The following FHOD3 variants were observed in gnomAD, a reference collection of about 807,000 sequenced individuals.
FHOD3 encodes formin homology 2 domain containing 3.
In FHOD3, 90 loss-of-function variants were observed where a neutral mutation model predicts 173.0. The observed-to-expected ratio is 0.52, with a 90% confidence interval of 0.44 to 0.62. The LOEUF is 0.62. Ranked by LOEUF, FHOD3 falls within the 20% of genes least tolerant of loss-of-function variation. The pLI is 0.00. For synonymous variants in FHOD3, 828 were observed against 823.0 expected (o/e 1.01, Z -0.10); for missense variants, 1,945 against 2,034.7 (o/e 0.96, Z 0.85).
intron 1 of FHOD3, among the ~76,000 whole-genome samples, chr18:36,300,033 A>C (rs2091918038): frequency 6.6e-6 from 1 of 152,190 alleles, no homozygotes; most frequent in Admixed American, 6.5e-5. Flanking sequence ...CCTTGATAGA[A>C]ACAGCTGGAG....
intron 5 of FHOD3, among the ~76,000 whole-genome samples, chr18:36,575,449 G>GTATAAA (rs2058613720): frequency 6.6e-6 from 1 of 152,072 alleles, no homozygotes; most frequent in African/African-American, 2.4e-5. Context: ...TGTTTGTAAT[G>GTATAAA]CATAAAAAAA....
At chr18:36,579,166 C>G (rs1037306457) in intron 6 of FHOD3, among the ~76,000 whole-genome samples, 2 of 152,114 alleles carry the variant, frequency 1.3e-5, no homozygotes, top group East Asian at 1.9e-4. Flanking sequence ...TCATTTGGAA[C>G]CTGCTCCCTC....
chr18:36,646,152 A>C (rs2035665449), intron 10 of FHOD3, among the ~76,000 whole-genome samples: 1 of 152,220 alleles, frequency 6.6e-6, no homozygotes, highest in Non-Finnish European at 1.5e-5. Flanking sequence ...GATTGTCTAC[A>C]GAGGAAGTCT....
At chr18:36,342,347 CTTTAAG>C (rs1034155742) in intron 1 of FHOD3, among the ~76,000 whole-genome samples, 3 of 152,008 alleles carry the variant, frequency 2.0e-5, no homozygotes, top group African/African-American at 7.2e-5. Flanking sequence ...TGACACCAAA[CTTTAAG>C]TTCAAGAAGT....
chr18:36,540,424 G>A (rs2057163022), intron 5 of FHOD3, among the ~76,000 whole-genome samples: 1 of 152,210 alleles, frequency 6.6e-6, no homozygotes. Context: ...TTAAGCTGGA[G>A]CTAGGGCTTT....
At chr18:36,678,773 T>G (rs1365199456) in intron 14 of FHOD3, among the ~76,000 whole-genome samples, 3 of 152,130 alleles carry the variant, frequency 2.0e-5, no homozygotes, top group Non-Finnish European at 2.9e-5. Context: ...TTGTATTCAT[T>G]TATACTGTCA....
intron 5 of FHOD3, among the ~76,000 whole-genome samples, chr18:36,529,491 A>T (rs2056682807): frequency 6.6e-6 from 1 of 151,580 alleles, no homozygotes; most frequent in South Asian, 2.1e-4. Context: ...GGTTCTAGGG[A>T]TTTTTTTTTA....
chr18:36,653,442 T>C (rs1487516160), intron 13 of FHOD3, 26 bp downstream of exon 13: 1 of 1,420,340 alleles, frequency 7.0e-7, no homozygotes, highest in Non-Finnish European at 9.5e-7. Flanking sequence ...TTCTTTCCCT[T>C]TTCTGTAGCT....
intron 3 of FHOD3, among the ~76,000 whole-genome samples, chr18:36,408,745 G>A (rs1462399524): frequency 2.0e-5 from 3 of 152,162 alleles, no homozygotes; most frequent in Non-Finnish European, 4.4e-5. Context: ...CAGGGCTAAA[G>A]AGTATTCCCA....
At chr18:36,473,993 G>A (rs2053425767) in intron 3 of FHOD3, among the ~76,000 whole-genome samples, 2 of 152,210 alleles carry the variant, frequency 1.3e-5, no homozygotes, top group African/African-American at 2.4e-5. Context: ...CACCCTTCCT[G>A]TAGGATATGC....
intron 3 of FHOD3, among the ~76,000 whole-genome samples, chr18:36,408,429 AG>A (rs2049174923): frequency 6.6e-6 from 1 of 152,010 alleles, no homozygotes; most frequent in African/African-American, 2.4e-5. Context: ...CTGAGGTGGC[AG>A]TGGTGTGGGC....
intron 5 of FHOD3, among the ~76,000 whole-genome samples, chr18:36,558,265 C>G (rs1300340323): frequency 6.6e-6 from 1 of 152,124 alleles, no homozygotes; most frequent in East Asian, 1.9e-4. Context: ...GGTTCCCCTT[C>G]CCTGTGTGAT....
chr18:36,650,816 A>T (rs1230337099), intron 11 of FHOD3, among the ~76,000 whole-genome samples: 1 of 152,174 alleles, frequency 6.6e-6, no homozygotes, highest in Admixed American at 6.5e-5. Flanking sequence ...CATCCCTGTT[A>T]ATGGTGTGCT....
At chr18:36,477,309 G>A (rs547265740) in intron 3 of FHOD3, among the ~76,000 whole-genome samples, 1 of 152,174 alleles carries the variant, frequency 6.6e-6, no homozygotes, top group African/African-American at 2.4e-5. Flanking sequence ...TATAAAGTGG[G>A]GATAATCTGA....
intron 1 of FHOD3, among the ~76,000 whole-genome samples, chr18:36,324,527 A>G (rs6507164): frequency 0.086 from 13,105 of 152,260 alleles, 1,824 homozygotes; most frequent in African/African-American, 0.29. Flanking sequence ...AAAATATATA[A>G]AAGGCTTCTT....
chr18:36,319,064 G>T (rs2044269789), intron 1 of FHOD3, among the ~76,000 whole-genome samples: 1 of 152,120 alleles, frequency 6.6e-6, no homozygotes, highest in African/African-American at 2.4e-5. Flanking sequence ...TGCATTCCAG[G>T]GATGAAACTG....
chr18:36,712,577 C>G (rs910695046), intron 18 of FHOD3, among the ~76,000 whole-genome samples: 1 of 151,752 alleles, frequency 6.6e-6, no homozygotes, highest in Non-Finnish European at 1.5e-5. Flanking sequence ...CTCTGAATGA[C>G]AGAAAAAAAG....
At chr18:36,694,000 C>G (rs2039114831) in intron 17 of FHOD3, among the ~76,000 whole-genome samples, 1 of 152,162 alleles carries the variant, frequency 6.6e-6, no homozygotes, top group Admixed American at 6.5e-5. Context: ...GGGAGATATT[C>G]TGTCTTCTTC....
chr18:36,357,706 T>C (rs2145805352), intron 2 of FHOD3, among the ~76,000 whole-genome samples: 1 of 152,328 alleles, frequency 6.6e-6, no homozygotes, highest in South Asian at 2.1e-4. Flanking sequence ...TGACATCCTT[T>C]CATATAAGTT....
Sources: allele counts gnomAD v4.1 joint callset (sites outside exome capture counted in the v4.1 genomes callset), GRCh38; gene constraint gnomAD v4.1.1; transcripts MANE v1.5; gene names NCBI Gene and HGNC (gene_info 2026-07-23, HGNC 2026-07-21).